The following CDK19 variants were observed in gnomAD, a reference collection of about 807,000 sequenced individuals.
CDK19 encodes cyclin dependent kinase 19.
CDK19 carries 20 observed loss-of-function variants against 68.3 expected under a neutral mutation model. That is an observed-to-expected ratio of 0.29 (90% CI 0.21 to 0.43). The LOEUF (loss-of-function observed/expected upper bound fraction) is 0.43, where lower values mean the gene tolerates loss of function less well. Among genes scored for constraint, CDK19 ranks in the 20% least tolerant of loss-of-function variants. CDK19 has a pLI of 1.00. For synonymous variants in CDK19, 221 were observed against 222.8 expected, an observed-to-expected ratio of 0.99 and a Z score of 0.07; for missense variants, 339 against 623.5, an observed-to-expected ratio of 0.54 and a Z score of 4.86.
rs1214221712 is a variant in CDK19, at chr6:110,701,431, A to T, written c.205-30890T>A. Among the ~76,000 whole-genome samples, 3 of 151,004 alleles carry T rather than the reference A, an allele frequency of 2.0e-5. No homozygotes were observed. The East Asian group carries it at 5.9e-4, about 30-fold the overall frequency. ...GCCGAGCATGGTGGCGGGCGCCAGT[A>T]GTTATAGCTACTTGGGAAACTGAGG... On this transcript the variant is annotated intron_variant, in intron 2 of 12. Transcript: ENST00000368911.
intron 2 of CDK19, among the ~76,000 whole-genome samples, chr6:110,722,784 T>A (rs191372959): frequency 6.6e-6 from 1 of 151,914 alleles, no homozygotes; most frequent in Non-Finnish European, 1.5e-5. Flanking sequence ...GAGGATCACC[T>A]GAGTCTGGGG....
intron 1 of CDK19, among the ~76,000 whole-genome samples, chr6:110,764,072 TAAACTA>T (rs1779411785): frequency 6.6e-6 from 1 of 152,066 alleles, no homozygotes; most frequent in Admixed American, 6.6e-5. Context: ...AAGGAAAACT[TAAACTA>T]CAAAACTGTG....
At chr6:110,756,825 G>A (rs1366468527) in intron 1 of CDK19, among the ~76,000 whole-genome samples, 2 of 152,100 alleles carry the variant, frequency 1.3e-5, no homozygotes, top group African/African-American at 2.4e-5. Context: ...TACTGACAAT[G>A]GGCTAGTTTG....
At chr6:110,804,323 T>C (rs533827718) in intron 1 of CDK19, among the ~76,000 whole-genome samples, 1 of 152,200 alleles carries the variant, frequency 6.6e-6, no homozygotes, top group South Asian at 2.1e-4. Flanking sequence ...AGACATATTA[T>C]AGTTCAAGTT....
intron 4 of CDK19, among the ~76,000 whole-genome samples, chr6:110,658,831 A>C (rs1007556103): frequency 6.6e-6 from 1 of 152,204 alleles, no homozygotes; most frequent in African/African-American, 2.4e-5. Context: ...AGGTTAAAGA[A>C]AGGGCATCTT....
At chr6:110,640,256 A>G (rs1241602084) in intron 4 of CDK19, among the ~76,000 whole-genome samples, 3 of 135,756 alleles carry the variant, frequency 2.2e-5, no homozygotes, top group Non-Finnish European at 4.7e-5. Flanking sequence ...AAAAAAAAAA[A>G]TCTGAAAAGG....
intron 1 of CDK19, chr6:110,814,740 GT>G: frequency 3.2e-6 from 2 of 627,146 alleles, no homozygotes; most frequent in Non-Finnish European, 5.9e-6. Context: ...TCCCCCCGCC[GT>G]CTCCGAGCAC....
At chr6:110,669,294 T>C (rs1467154609) in intron 3 of CDK19, among the ~76,000 whole-genome samples, 2 of 152,218 alleles carry the variant, frequency 1.3e-5, no homozygotes, top group Admixed American at 6.5e-5. Context: ...ATAACTTATA[T>C]AGATGACAAA....
intron 6 of CDK19, among the ~76,000 whole-genome samples, chr6:110,629,448 G>A (rs562487500): frequency 3.9e-5 from 6 of 152,184 alleles, no homozygotes; most frequent in South Asian, 2.1e-4. Context: ...AATGCCTCCC[G>A]GGTTCAAGGG....
intron 1 of CDK19, among the ~76,000 whole-genome samples, chr6:110,795,899 A>C (rs1271140363): frequency 6.6e-6 from 1 of 152,164 alleles, no homozygotes. Flanking sequence ...AGGATCTTAA[A>C]CTCATTCACA....
At chr6:110,760,329 G>C (rs1253855885) in intron 1 of CDK19, among the ~76,000 whole-genome samples, 2 of 145,950 alleles carry the variant, frequency 1.4e-5, no homozygotes, top group Admixed American at 7.2e-5. Flanking sequence ...CTTGAGAGGT[G>C]GAGTTTGCAG....
At chr6:110,710,921 T>A (rs979198236) in intron 2 of CDK19, among the ~76,000 whole-genome samples, 1 of 152,202 alleles carries the variant, frequency 6.6e-6, no homozygotes, top group African/African-American at 2.4e-5. Context: ...TTATATTGCA[T>A]GTAAAAAACA....
intron 1 of CDK19, among the ~76,000 whole-genome samples, chr6:110,768,757 T>C (rs931857636): frequency 6.6e-6 from 1 of 152,160 alleles, no homozygotes; most frequent in Admixed American, 6.5e-5. Flanking sequence ...GCACAGGTGA[T>C]GTTTAGGGCA....
intron 2 of CDK19, among the ~76,000 whole-genome samples, chr6:110,685,031 A>C (rs1772342664): frequency 6.6e-6 from 1 of 152,098 alleles, no homozygotes; most frequent in African/African-American, 2.4e-5. Context: ...CCAGCTACCC[A>C]AGAGGCTGAG....
intron 2 of CDK19, among the ~76,000 whole-genome samples, chr6:110,714,608 A>T (rs1042609029): frequency 6.6e-6 from 1 of 152,044 alleles, no homozygotes; most frequent in Non-Finnish European, 1.5e-5. Context: ...AATGGGTGTG[A>T]AGTAGTATCT....
intron 1 of CDK19, among the ~76,000 whole-genome samples, chr6:110,778,144 T>C (rs754259176): frequency 1.3e-5 from 2 of 152,218 alleles, no homozygotes; most frequent in African/African-American, 2.4e-5. Context: ...TTTCTTGTTA[T>C]GTTTATCACA....
chr6:110,671,934 T>G (rs1032738153), intron 2 of CDK19, among the ~76,000 whole-genome samples: 5 of 152,048 alleles, frequency 3.3e-5, no homozygotes, highest in African/African-American at 9.7e-5. Flanking sequence ...CGCACCACCA[T>G]GCCCGGCTAA....
intron 2 of CDK19, among the ~76,000 whole-genome samples, chr6:110,685,554 G>C (rs1772402004): frequency 6.6e-6 from 1 of 152,176 alleles, no homozygotes; most frequent in Non-Finnish European, 1.5e-5. Flanking sequence ...TCTTGCACAA[G>C]CCAAACACAT....
At chr6:110,716,375 C>A (rs1015209465) in intron 2 of CDK19, among the ~76,000 whole-genome samples, 1 of 151,838 alleles carries the variant, frequency 6.6e-6, no homozygotes, top group African/African-American at 2.4e-5. Context: ...AATCACTGGA[C>A]CACCTATGAG....
Sources: gnomAD v4.1 joint callset for allele counts (sites outside exome capture counted in the v4.1 genomes callset) on GRCh38, gnomAD v4.1.1 for gene constraint, MANE v1.5 for transcripts, NCBI Gene and HGNC (gene_info 2026-07-23, HGNC 2026-07-21) for gene names.